Variants in DNER observed in about 807,000 individuals in gnomAD.
DNER encodes delta/notch like EGF repeat containing.
DNER carries 33 observed loss-of-function variants against 78.2 expected under a neutral mutation model. The observed-to-expected ratio is 0.42, with a 90% CI of 0.32 to 0.56. The LOEUF is 0.56. DNER is among the 20% of genes least tolerant of loss of function. DNER has a pLI of 0.11. For synonymous variants in DNER, 417 were observed against 384.8 expected, an observed-to-expected ratio of 1.08 and a Z score of -0.98; for missense variants, 918 against 975.3, an observed-to-expected ratio of 0.94 and a Z score of 0.78.
intron 5 of DNER, among the ~76,000 whole-genome samples, chr2:229,528,707 C>T (rs1696250478): frequency 6.6e-6 from 1 of 152,182 alleles, no homozygotes; most frequent in Admixed American, 6.5e-5. Context: ...TATTTGCTGT[C>T]CCCATGAATT....
intron 1 of DNER, among the ~76,000 whole-genome samples, chr2:229,677,210 C>A (rs1387464950): frequency 6.6e-6 from 1 of 152,162 alleles, no homozygotes; most frequent in Non-Finnish European, 1.5e-5. Flanking sequence ...GCACTGCTTT[C>A]CTCCTGGGGT....
At chr2:229,411,325 C>T (rs189887299) in intron 9 of DNER, among the ~76,000 whole-genome samples, 48 of 152,118 alleles carry the variant, frequency 3.2e-4, no homozygotes, top group Admixed American at 7.9e-4. Context: ...GGGAGGCCAA[C>T]GCGGGCAGAT....
rs1354908759 is a variant in DNER at position 229,431,580 on chromosome 2, A to C, written c.1487-13350T>G. 3.3e-5 allele frequency among the ~76,000 whole-genome samples: 5 copies of C among 149,484 alleles called. No homozygotes were observed. The East Asian group carries it at 9.8e-4, about 29-fold the overall frequency. On this transcript the variant is annotated intron_variant, in intron 8 of 12. Coordinates refer to ENST00000341772, the MANE Select transcript of DNER (RefSeq NM_139072.4). ...TTCTACTTATTATCTAGGCAAGTGA[A>C]AAAGGAAAAAAAAAAAGTTACTCAG...
At chr2:229,639,141 A>G (rs1313786768) in intron 1 of DNER, among the ~76,000 whole-genome samples, 1 of 152,242 alleles carries the variant, frequency 6.6e-6, no homozygotes, top group Non-Finnish European at 1.5e-5. Flanking sequence ...GGACTCAAAG[A>G]AAAGCATTTA....
At position 229,547,061 on chromosome 2, in the gene DNER, A is replaced by G. The variant is rs149178057; in HGVS notation, c.879T>C (p.Ile293=). The change falls in exon 5 of 13, where the codon ATT becomes ATC. Residue 293 remains isoleucine (I), a synonymous_variant. Transcript: ENST00000341772. ...CCACCAGAGTTAAGCGCAAAGCCAC[A>G]ATAGACTTAGTCACAGAATCATTCA... ...GFVNDSVTKS[I]VALRLTLVVK... 1.6e-5 allele frequency: 26 copies of G among 1,614,050 alleles called. No homozygotes were observed. The African/African-American group carries it at 2.7e-4, about 17-fold the overall frequency.
At chr2:229,677,125 C>T (rs1010846670) in intron 1 of DNER, among the ~76,000 whole-genome samples, 5 of 152,202 alleles carry the variant, frequency 3.3e-5, no homozygotes, top group Admixed American at 6.5e-5. Flanking sequence ...ACTATCCTAT[C>T]CATCTGACCT....
At chr2:229,563,346 A>C (rs1373927357) in intron 4 of DNER, among the ~76,000 whole-genome samples, 1 of 142,156 alleles carries the variant, frequency 7.0e-6, no homozygotes, top group Non-Finnish European at 1.5e-5. Flanking sequence ...CATCATCATC[A>C]TCCTCCTTAC....
At chr2:229,412,463 C>T (rs528293754) in intron 9 of DNER, among the ~76,000 whole-genome samples, 1 of 152,322 alleles carries the variant, frequency 6.6e-6, no homozygotes, top group South Asian at 2.1e-4. Context: ...TAGTCACTGT[C>T]TTTCCAGAGC....
chr2:229,454,473 T>A (rs1694528479), intron 7 of DNER, among the ~76,000 whole-genome samples: 1 of 152,196 alleles, frequency 6.6e-6, no homozygotes, highest in South Asian at 2.1e-4. Flanking sequence ...TGTGTTTTTT[T>A]ATTATTATTA....
chr2:229,681,867 A>C (rs983820633), intron 1 of DNER, among the ~76,000 whole-genome samples: 20 of 95,408 alleles, frequency 2.1e-4, no homozygotes, highest in African/African-American at 5.5e-4. Context: ...CACACACACA[A>C]ATGTATCGTA....
chr2:229,567,906 A>G (rs1186681043), intron 4 of DNER, among the ~76,000 whole-genome samples: 4 of 152,148 alleles, frequency 2.6e-5, no homozygotes, highest in African/African-American at 7.2e-5. Context: ...CTGATCATCA[A>G]TTCTTTCTGT....
chr2:229,603,971 A>G (rs1343735639), intron 1 of DNER, among the ~76,000 whole-genome samples: 1 of 152,268 alleles, frequency 6.6e-6, no homozygotes, highest in Middle Eastern at 3.4e-3. Flanking sequence ...TGGCACACAG[A>G]TTCCAGAGTG....
intron 8 of DNER, among the ~76,000 whole-genome samples, chr2:229,425,550 A>C (rs1245696923): frequency 1.3e-5 from 2 of 152,092 alleles, no homozygotes; most frequent in African/African-American, 4.8e-5. Context: ...AGTAAAAGGC[A>C]AAGCCTTCCA....
intron 1 of DNER, among the ~76,000 whole-genome samples, chr2:229,626,042 C>G (rs1202595156): frequency 2.0e-5 from 3 of 152,080 alleles, no homozygotes; most frequent in Non-Finnish European, 4.4e-5. Context: ...GCCTCAGCCT[C>G]CTGAGTAGCT....
intron 6 of DNER, among the ~76,000 whole-genome samples, chr2:229,481,979 T>C (rs1029694988): frequency 6.6e-6 from 1 of 152,160 alleles, no homozygotes; most frequent in African/African-American, 2.4e-5. Flanking sequence ...GAAAAACCCA[T>C]GTAAAGGCAC....
Position 229,541,070 on chromosome 2 carries a change from T to A in DNER, c.993+5877A>T, listed in dbSNP as rs138159579. On this transcript the variant is annotated intron_variant, in intron 5 of 12. Transcript: ENST00000341772. ...GGACTTGAAATGATTAACAACATAA[T>A]CCTTGGATGAAAAGATGTTGTGCCT... is the stretch of plus-strand genomic sequence containing the variant. Among the ~76,000 whole-genome samples, 313 of 152,296 alleles carry A rather than the reference T, an allele frequency of 2.1e-3. 2 individuals are homozygous for A. Among genetic ancestry groups the A allele is most frequent in the African/African-American group, 6.8e-3 (284 of 41,564 alleles).
At chr2:229,525,015 T>C (rs909195397) in intron 5 of DNER, among the ~76,000 whole-genome samples, 3 of 152,236 alleles carry the variant, frequency 2.0e-5, no homozygotes, top group African/African-American at 7.2e-5. Flanking sequence ...TGCATCACTC[T>C]GATGTGTGGC....
intron 11 of DNER, among the ~76,000 whole-genome samples, chr2:229,386,270 G>A (rs896699260): frequency 2.0e-5 from 3 of 152,198 alleles, no homozygotes; most frequent in African/African-American, 4.8e-5. Context: ...CTAGCCATAT[G>A]CAGAAAACGG....
chr2:229,415,398 G>A (rs1224875041), intron 9 of DNER, among the ~76,000 whole-genome samples: 2 of 152,174 alleles, frequency 1.3e-5, no homozygotes, highest in East Asian at 3.9e-4. Context: ...GCTGGGAATT[G>A]ACTAAGCCAC....
Sources: gnomAD v4.1 joint callset for allele counts (sites outside exome capture counted in the v4.1 genomes callset) on GRCh38, gnomAD v4.1.1 for gene constraint, MANE v1.5 for transcripts, NCBI Gene and HGNC (gene_info 2026-07-23, HGNC 2026-07-21) for gene names.